The following HNF4G variants were observed in gnomAD, a reference collection of about 807,000 sequenced individuals.
The protein encoded by HNF4G is hepatocyte nuclear factor 4 gamma.
HNF4G carries 21 observed loss-of-function variants against 50.9 expected under a neutral mutation model. That is an observed-to-expected ratio of 0.41 (90% CI 0.29 to 0.59). The LOEUF is 0.59. Among genes scored for constraint, HNF4G ranks in the 20% least tolerant of loss-of-function variants. HNF4G has a pLI of 0.26. For missense variants in HNF4G, 527 were observed against 559.4 expected (o/e 0.94, Z 0.58); for synonymous variants, 198 against 185.6 (o/e 1.07, Z -0.54).
In HNF4G at chr8:75,564,502, A is replaced by C. The variant is rs2941478; in HGVS notation, c.*406A>C. On this transcript the variant is annotated 3_prime_UTR_variant, in exon 10 of 10. Transcript: ENST00000396423. ...TAGATCAGAAATCTCAGTTTAATATAAAATGAGCTAAGTTTTTAAAAATAA... is the reference window on the plus strand; with the variant it reads ...TAGATCAGAAATCTCAGTTTAATATCAAATGAGCTAAGTTTTTAAAAATAA... 0.18 allele frequency: 28,343 copies of C among 153,602 alleles called. 2,807 individuals carry two copies. Among genetic ancestry groups the C allele is most frequent in the Middle Eastern group, 0.2 (60 of 298 alleles). 9.5% of individuals were successfully genotyped at this position (153,602 alleles called of 1,614,324 possible).
At chr8:75,540,851 A>ATGTGTGTGTGTGTGTGTGTGTG (rs56799230) in intron 1 of HNF4G, among the ~76,000 whole-genome samples, 1 of 146,474 alleles carries the variant, frequency 6.8e-6, no homozygotes, top group Non-Finnish European at 1.5e-5. Context: ...GAAAATGTGT[A>ATGTGTGTGTGTGTGTGTGTGTG]TGTGTGTGTG....
chr8:75,454,048 TCTCTCCCTCC>T (rs1811655240), intron 1 of HNF4G, among the ~76,000 whole-genome samples: 1 of 150,580 alleles, frequency 6.6e-6, no homozygotes, highest in Non-Finnish European at 1.5e-5. Flanking sequence ...TCTCTCTCTC[TCTCTCCCTCC>T]CTCCCTCTCT....
At chr8:75,418,916 G>C (rs1031296569) in intron 1 of HNF4G, among the ~76,000 whole-genome samples, 1 of 151,790 alleles carries the variant, frequency 6.6e-6, no homozygotes, top group Non-Finnish European at 1.5e-5. Flanking sequence ...TGGTAGAGGC[G>C]GGTTTTCTCC....
rs371951459 is a variant in HNF4G at position 75,457,732 on chromosome 8, G to T, written c.-143-32357G>T. The stretch of plus-strand genomic sequence containing the variant: ...AGGGCAGGCATCAGGGGCGGTGGGG[G>T]TGGTGGCTGCTCAGGTCTAGCTCTG... On this transcript the variant is annotated intron_variant, in intron 1 of 10. Coordinates refer to the HNF4G transcript ENST00000354370. Among the ~76,000 whole-genome samples, 6 of 152,202 alleles carry T rather than the reference G, an allele frequency of 3.9e-5. No individual in the cohort carries two copies. In the East Asian group the frequency reaches 1.2e-3, roughly 29 times the overall value.
At chr8:75,418,229 C>T (rs1253038356) in intron 1 of HNF4G, among the ~76,000 whole-genome samples, 1 of 152,028 alleles carries the variant, frequency 6.6e-6, no homozygotes, top group African/African-American at 2.4e-5. Flanking sequence ...TCCTGATCTC[C>T]TTTTATAAGG....
chr8:75,469,479 G>T (rs1054736257), intron 1 of HNF4G, among the ~76,000 whole-genome samples: 3 of 152,100 alleles, frequency 2.0e-5, no homozygotes, highest in Non-Finnish European at 2.9e-5. Context: ...TTTCTCAGAT[G>T]ATTTTTTTAG....
At position 75,543,734 on chromosome 8, in the gene HNF4G, C is replaced by T. The variant is rs1806693322; in HGVS notation, c.119-77C>T. The T allele has an allele frequency of 3.2e-6, 4 of 1,249,346 alleles. No homozygotes were observed. The East Asian group carries it at 1.0e-4, about 32-fold the overall frequency. 77.4% of individuals were successfully genotyped at this position (1,249,346 alleles called of 1,614,324 possible). On this transcript the variant is annotated intron_variant, in intron 1 of 9. Transcript: ENST00000396423. ...AAGCCAATGAATGGAGTGTTATGAG[C>T]CTATAAATAATTAGTAGGACAATTT...
In HNF4G at chr8:75,489,550, T is replaced by A. The variant is rs1308648189; in HGVS notation, c.-143-539T>A. 2.6e-5 allele frequency among the ~76,000 whole-genome samples: 4 copies of A among 152,228 alleles called. No homozygotes were observed. The East Asian group carries it at 7.7e-4, about 29-fold the overall frequency. On this transcript the variant is annotated intron_variant, in intron 1 of 10. Transcript: ENST00000354370. ...TTGTATCTGAATTTGCCTACTGCTTTATAGTTACATTCAATTGAACTCTAT... is the reference window on the plus strand; with the variant it reads ...TTGTATCTGAATTTGCCTACTGCTTAATAGTTACATTCAATTGAACTCTAT...
intron 1 of HNF4G, among the ~76,000 whole-genome samples, chr8:75,466,915 C>T (rs891490107): frequency 1.3e-5 from 2 of 152,022 alleles, no homozygotes; most frequent in African/African-American, 2.4e-5. Flanking sequence ...AACTCCTGGG[C>T]TCAAGCAGTC....
At chr8:75,424,415 C>T (rs1489798719) in intron 1 of HNF4G, among the ~76,000 whole-genome samples, 1 of 151,844 alleles carries the variant, frequency 6.6e-6, no homozygotes, top group Admixed American at 6.6e-5. Flanking sequence ...GATTCAGGGG[C>T]CACATGTGCA....
At position 75,543,137 on chromosome 8, in the gene HNF4G, G is replaced by A. The variant is rs1806677659; in HGVS notation, c.119-674G>A. Among the ~76,000 whole-genome samples, 2 of 152,112 alleles carry A rather than the reference G, an allele frequency of 1.3e-5. 1 individual carries two copies. Among genetic ancestry groups the A allele is most frequent in the African/African-American group, 4.8e-5 (2 of 41,408 alleles). Reference sequence around the variant, plus strand: ...CATGGGAATCACTTGAACCTGGGAGGCAGAGGTTGCAGTGAGCCGAGATCG... The same window carrying A: ...CATGGGAATCACTTGAACCTGGGAGACAGAGGTTGCAGTGAGCCGAGATCG... On this transcript the variant is annotated intron_variant, in intron 1 of 9. Transcript: ENST00000396423.
At chr8:75,541,988 T>C (rs553123226) in intron 1 of HNF4G, among the ~76,000 whole-genome samples, 86 of 152,084 alleles carry the variant, frequency 5.7e-4, no homozygotes, top group Non-Finnish European at 1.1e-3. Flanking sequence ...AATAAAGTTA[T>C]ATAAAAAACT....
At chr8:75,466,955 G>T (rs117930927) in intron 1 of HNF4G, among the ~76,000 whole-genome samples, 3,943 of 152,208 alleles carry the variant, frequency 0.026, 86 homozygotes, top group Admixed American at 0.048. Flanking sequence ...AAAGTGCTGG[G>T]ACTACAGGTG....
At chr8:75,516,293 T>C (rs1197314934) in intron 2 of HNF4G, among the ~76,000 whole-genome samples, 1 of 152,044 alleles carries the variant, frequency 6.6e-6, no homozygotes. Context: ...GTTCAAATAT[T>C]TTTTTTTAAA....
At chr8:75,522,152 G>A (rs974662591) in intron 2 of HNF4G, among the ~76,000 whole-genome samples, 15 of 152,150 alleles carry the variant, frequency 9.9e-5, no homozygotes, top group Admixed American at 9.8e-4. Context: ...AGACTTCTGT[G>A]TAGAAGATTC....
At position 75,564,091 on chromosome 8, in the gene HNF4G, T is replaced by C. The variant is rs1010561877; in HGVS notation, c.1363T>C (p.Leu455=). 1.9e-6 allele frequency: 3 copies of C among 1,613,102 alleles called. No homozygotes were observed. Among genetic ancestry groups the C allele is most frequent in the Non-Finnish European group, 1.7e-6 (2 of 1,179,454 alleles). The stretch of plus-strand genomic sequence containing the variant: ...CCAGCATCTCTCCAAACAAAAGCAA[T>C]TGTGAAAATGTGTTTACTTCAGAAC... ...SHQHLSKQKQ[L] The change falls in exon 10 of 10, where the codon TTG becomes CTG. Residue 455 remains leucine, a synonymous_variant. Coordinates refer to ENST00000396423, the MANE Select transcript of HNF4G (RefSeq NM_004133.5).
intron 2 of HNF4G, among the ~76,000 whole-genome samples, chr8:75,499,652 T>C (rs564838468): frequency 6.6e-6 from 1 of 152,072 alleles, no homozygotes; most frequent in South Asian, 2.1e-4. Flanking sequence ...AAAGGTACAG[T>C]AATTAAAGCT....
chr8:75,565,335 A>C lies in HNF4G; in HGVS notation c.*1239A>C, dbSNP rs549493030. The C allele has an allele frequency of 6.7e-6, 1 of 148,888 alleles. No homozygotes were observed. The highest frequency in any genetic ancestry group is 1.5e-5 in the Non-Finnish European group (1 of 66,532). The allele number at this position is 148,888 out of a possible 1,614,324, so 9.2% of individuals were successfully genotyped here. A position where few individuals can be genotyped will look rare whatever the true frequency, so the allele number is the denominator to read the frequency against. On this transcript the variant is annotated 3_prime_UTR_variant, in exon 10 of 10. Coordinates refer to ENST00000396423, the MANE Select transcript of HNF4G (RefSeq NM_004133.5). ...TAAAATTGTTGTAGCTTGAATAAGA[A>C]ACCACTTTTGTAGTTTTAACCAGAC...
At chr8:75,458,341 T>C (rs1004977305) in intron 1 of HNF4G, among the ~76,000 whole-genome samples, 17 of 148,350 alleles carry the variant, frequency 1.1e-4, no homozygotes, top group African/African-American at 2.0e-4. Flanking sequence ...GAAAGAAGAC[T>C]ACTGTTGGTT....
Sources: gnomAD v4.1 joint callset for allele counts (sites outside exome capture counted in the v4.1 genomes callset) on GRCh38, gnomAD v4.1.1 for gene constraint, MANE v1.5 for transcripts, NCBI Gene and HGNC (gene_info 2026-07-23, HGNC 2026-07-21) for gene names.